Variants in TPM1 observed in about 807,000 individuals in gnomAD.
The protein encoded by TPM1 is tropomyosin alpha-1 chain.
TPM1 carries 24 observed loss-of-function variants against 42.9 expected under a neutral mutation model. That is an observed-to-expected ratio of 0.56 (90% CI 0.41 to 0.79). The LOEUF is 0.79. Among genes scored for constraint, TPM1 ranks in the 30% least tolerant of loss-of-function variants. TPM1 has a pLI of 0.00. For synonymous variants in TPM1, 136 were observed against 130.1 expected, an observed-to-expected ratio of 1.05 and a Z score of -0.31; for missense variants, 158 against 351.8, an observed-to-expected ratio of 0.45 and a Z score of 4.41.
chr15:63,059,724 C>T (rs1195467937), intron 4 of TPM1, 44 bp downstream of exon 4: 2 of 1,410,216 alleles, frequency 1.4e-6, no homozygotes, highest in African/African-American at 2.8e-5. Context: ...CCAGCAGTGG[C>T]CTTCAGGAAG....
chr15:63,061,256 A>G (rs1197185638), intron 5 of TPM1: 1 of 1,614,218 alleles, frequency 6.2e-7, no homozygotes, highest in South Asian at 1.1e-5. Context: ...GAAAGCATTA[A>G]TGGCTGCAGA....
rs118025307 is a variant in TPM1 at position 63,064,417 on chromosome 15, T to C, written c.851+275T>C. Reference sequence around the variant, plus strand: ...AACTAGAATGAGTGACCTTGAGCACTGTCCTTTTGGGAAATTAAGCTAAAC... The same window carrying C: ...AACTAGAATGAGTGACCTTGAGCACCGTCCTTTTGGGAAATTAAGCTAAAC... On this transcript the variant is annotated intron_variant, in intron 9 of 9. Coordinates refer to ENST00000403994, the MANE Select transcript of TPM1 (RefSeq NM_001018005.2). 1,196 of 1,261,964 alleles carry C rather than the reference T, an allele frequency of 9.5e-4. 28 individuals are homozygous for C. The East Asian group carries it at 0.035, about 37-fold the overall frequency. 78.2% of individuals were successfully genotyped at this position (1,261,964 alleles called of 1,614,324 possible).
At chr15:63,043,577 G>C in intron 1 of TPM1, 1 of 1,412,762 alleles carries the variant, frequency 7.1e-7, no homozygotes, top group Non-Finnish European at 9.6e-7. Flanking sequence ...AGTTACCTCG[G>C]GTCCTTTGCA....
At chr15:63,049,287 AT>A (rs535566875) in intron 2 of TPM1, 10 of 166,930 alleles carry the variant, frequency 6.0e-5, no homozygotes, top group African/African-American at 2.4e-4. Flanking sequence ...GAGCTAAACT[AT>A]AGTGCAAAAC....
At chr15:63,052,464 A>G (rs2034080123) in intron 2 of TPM1, among the ~76,000 whole-genome samples, 1 of 152,190 alleles carries the variant, frequency 6.6e-6, no homozygotes, top group African/African-American at 2.4e-5. Flanking sequence ...TGGAGGTTGC[A>G]GTGAGCCGAG....
At chr15:63,062,695 AC>A (rs746894840) in intron 8 of TPM1, 50 bp downstream of exon 8, 94 of 1,613,758 alleles carry the variant, frequency 5.8e-5, no homozygotes, top group Admixed American at 1.7e-4. Flanking sequence ...TTGAATACCA[AC>A]CTGGCAAAAC....
At chr15:63,061,999 A>G in intron 6 of TPM1, 1 of 666,568 alleles carries the variant, frequency 1.5e-6, no homozygotes, top group South Asian at 1.8e-5. Context: ...ATTTAAACCA[A>G]GTGCCAAGTG....
chr15:63,066,908 CAA>C (rs2036309304), downstream of TPM1, among the ~76,000 whole-genome samples: 1 of 150,162 alleles, frequency 6.7e-6, no homozygotes, highest in Non-Finnish European at 1.5e-5. Flanking sequence ...TTTTTTTTCC[CAA>C]AAAGATAGTT....
intron 9 of TPM1, 146 bp from the exon 10 acceptor site, chr15:63,065,750 A>G (rs2036207889): frequency 7.2e-7 from 1 of 1,381,548 alleles, no homozygotes; most frequent in African/African-American, 1.5e-5. Context: ...ATGTCCTTCC[A>G]AGGGTGTGGC....
intron 2 of TPM1, 117 bp downstream of exon 2, chr15:63,044,269 C>T: frequency 6.7e-7 from 1 of 1,483,824 alleles, no homozygotes; most frequent in Non-Finnish European, 9.3e-7. Context: ...CACCTGCACA[C>T]AGCCCTGCCA....
chr15:63,062,758 A>T (rs2035820827), intron 8 of TPM1, 113 bp downstream of exon 8: 1 of 1,581,962 alleles, frequency 6.3e-7, no homozygotes, highest in South Asian at 1.1e-5. Flanking sequence ...GCACTTGCAC[A>T]TTCTTCCTGT....
At chr15:63,045,514 C>T (rs528977619) in intron 2 of TPM1, 1 of 152,250 alleles carries the variant, frequency 6.6e-6, no homozygotes, top group South Asian at 2.1e-4. Context: ...GCCTGCCTCC[C>T]GCAAATTCTC....
intron 2 of TPM1, among the ~76,000 whole-genome samples, chr15:63,054,111 G>A (rs2034397732): frequency 6.6e-6 from 1 of 152,080 alleles, no homozygotes. Context: ...GATTTACAGG[G>A]CCTCCTCAGG....
At chr15:63,044,363 C>T (rs2031937811) in intron 2 of TPM1, 1 of 736,678 alleles carries the variant, frequency 1.4e-6, no homozygotes, top group South Asian at 1.7e-5. Flanking sequence ...CTTCTCCTTT[C>T]CTTTACCTCC....
intron 2 of TPM1, among the ~76,000 whole-genome samples, chr15:63,053,641 C>A (rs2034287904): frequency 6.7e-6 from 1 of 150,330 alleles, no homozygotes; most frequent in African/African-American, 2.5e-5. Context: ...CCTCCTGAAT[C>A]AGAATCTCTA....
At chr15:63,067,966 G>A (rs910377762), downstream of TPM1, among the ~76,000 whole-genome samples, 6 of 152,314 alleles carry the variant, frequency 3.9e-5, no homozygotes, top group South Asian at 4.1e-4. Flanking sequence ...GGAGGCTGTC[G>A]GAGGGACCAC....
chr15:63,061,453 C>A, intron 5 of TPM1: 1 of 769,664 alleles, frequency 1.3e-6, no homozygotes, highest in Non-Finnish European at 2.2e-6. Context: ...TTCATAAATG[C>A]TCTTTGGGCA....
intron 1 of TPM1, 30 bp from the exon 2 acceptor site, chr15:63,043,997 C>T: frequency 6.2e-7 from 1 of 1,609,874 alleles, no homozygotes; most frequent in South Asian, 1.1e-5. Context: ...GCACCCCCCT[C>T]CCTCCCTGTA....
intron 8 of TPM1, chr15:63,062,969 T>C (rs2035852613): frequency 1.4e-6 from 2 of 1,403,360 alleles, no homozygotes; most frequent in Non-Finnish European, 1.8e-6. Context: ...TTTATATCTT[T>C]AGTGTTACTT....
Sources: gnomAD v4.1 joint callset for allele counts (sites outside exome capture counted in the v4.1 genomes callset) on GRCh38, gnomAD v4.1.1 for gene constraint, MANE v1.5 for transcripts, NCBI Gene and HGNC (gene_info 2026-07-23, HGNC 2026-07-21) for gene names.